The following CPA6 variants were observed in gnomAD, a reference collection of about 807,000 sequenced individuals.
The protein encoded by CPA6 is carboxypeptidase B.
Under a neutral mutation model 63.3 loss-of-function variants are expected in CPA6, and 58 were observed. The ratio of observed to expected loss-of-function variants is 0.92; its 90% CI spans 0.74 to 1.14. The LOEUF (loss-of-function observed/expected upper bound fraction) is 1.14. Among genes scored for constraint, CPA6 ranks in the 50% most tolerant of loss-of-function variants. The probability of loss-of-function intolerance (pLI) is 0.00; values close to 1 mark genes in which losing one functional copy is unlikely to be tolerated. For missense variants in CPA6, 565 were observed against 526.6 expected (o/e 1.07, Z -0.71); for synonymous variants, 185 against 179.0 (o/e 1.03, Z -0.27).
chr8:67,526,151 G>A lies in CPA6; in HGVS notation c.193-8104C>T, dbSNP rs1179824235. On this transcript the variant is annotated intron_variant, in intron 2 of 10. Coordinates refer to ENST00000297770, the MANE Select transcript of CPA6 (RefSeq NM_020361.5). ...TATTATGGAATTTGGATTTGCTTTA[G>A]GACATTTGTGGAGGGTTTAAGGAAC... is the stretch of plus-strand genomic sequence containing the variant. 2.6e-5 allele frequency among the ~76,000 whole-genome samples: 4 copies of A among 152,302 alleles called. No individual in the cohort carries two copies. The East Asian group carries it at 7.7e-4, about 29-fold the overall frequency.
chr8:67,492,975 G>C (rs1811638619), intron 6 of CPA6, among the ~76,000 whole-genome samples: 1 of 152,134 alleles, frequency 6.6e-6, no homozygotes, highest in Admixed American at 6.6e-5. Context: ...CGGTACTGAA[G>C]GCCAGGAAAA....
At chr8:67,548,384 T>C (rs1458028988) in intron 2 of CPA6, among the ~76,000 whole-genome samples, 2 of 151,770 alleles carry the variant, frequency 1.3e-5, no homozygotes, top group Non-Finnish European at 2.9e-5. Context: ...CCTGAGCAGC[T>C]GGGACTACAG....
At chr8:67,608,216 G>A (rs955813762) in intron 2 of CPA6, among the ~76,000 whole-genome samples, 10 of 152,190 alleles carry the variant, frequency 6.6e-5, no homozygotes, top group Admixed American at 3.9e-4. Flanking sequence ...CTGGACCCAC[G>A]GCCCTAAATG....
At chr8:67,730,419 G>A (rs1817684311) in intron 1 of CPA6, among the ~76,000 whole-genome samples, 2 of 152,288 alleles carry the variant, frequency 1.3e-5, no homozygotes, top group Admixed American at 6.5e-5. Flanking sequence ...ACTTCCATAT[G>A]TTCAGCAACC....
chr8:67,574,119 T>G (rs934245658), intron 2 of CPA6, among the ~76,000 whole-genome samples: 5 of 151,898 alleles, frequency 3.3e-5, no homozygotes, highest in Non-Finnish European at 7.4e-5. Context: ...GGTTCATGAC[T>G]GTGATCTCAG....
chr8:67,597,265 C>T, intron 2 of CPA6, among the ~76,000 whole-genome samples: 1 of 143,974 alleles, frequency 6.9e-6, no homozygotes, highest in South Asian at 2.2e-4. Context: ...GTGGCGTGAT[C>T]TCAGCTCCCT....
rs1277153673 is a variant in CPA6, at chr8:67,644,164, G to T, written c.117-19913C>A. 2.0e-5 allele frequency among the ~76,000 whole-genome samples: 3 copies of T among 151,748 alleles called. No homozygotes were observed. In the East Asian group the frequency reaches 5.8e-4, roughly 29 times the overall value. On this transcript the variant is annotated intron_variant, in intron 1 of 10. Coordinates refer to ENST00000297770, the MANE Select transcript of CPA6 (RefSeq NM_020361.5). ...GACAGAGTCTCGCTCTGTCGCCCAGGCTGGAGTGCAGTGGCGCCATTTCGG... is the reference window on the plus strand; with the variant it reads ...GACAGAGTCTCGCTCTGTCGCCCAGTCTGGAGTGCAGTGGCGCCATTTCGG...
chr8:67,572,819 A>G (rs940070671), intron 2 of CPA6, among the ~76,000 whole-genome samples: 2 of 152,196 alleles, frequency 1.3e-5, no homozygotes, highest in African/African-American at 4.8e-5. Context: ...AGGCCGGACA[A>G]AAATATCACA....
intron 1 of CPA6, among the ~76,000 whole-genome samples, chr8:67,645,059 C>T (rs578107201): frequency 6.6e-6 from 1 of 152,248 alleles, no homozygotes; most frequent in African/African-American, 2.4e-5. Context: ...CTATATATTA[C>T]TGTAGTGCCT....
At chr8:67,571,303 A>G (rs769608575) in intron 2 of CPA6, among the ~76,000 whole-genome samples, 1 of 152,194 alleles carries the variant, frequency 6.6e-6, no homozygotes, top group Non-Finnish European at 1.5e-5. Context: ...ATGTAGACAG[A>G]AAGTTATTGA....
chr8:67,639,159 A>C (rs1304147617), intron 1 of CPA6, among the ~76,000 whole-genome samples: 3 of 151,600 alleles, frequency 2.0e-5, no homozygotes, highest in Non-Finnish European at 4.4e-5. Context: ...TTTTCTGTAA[A>C]GAGCCCCGTG....
chr8:67,577,915 A>G (rs548023707), intron 2 of CPA6, among the ~76,000 whole-genome samples: 17 of 152,156 alleles, frequency 1.1e-4, no homozygotes, highest in Non-Finnish European at 2.2e-4. Context: ...CAGTACATCA[A>G]CTCACCTGAG....
At chr8:67,744,173 C>T (rs137879659) in intron 1 of CPA6, among the ~76,000 whole-genome samples, 2 of 152,250 alleles carry the variant, frequency 1.3e-5, no homozygotes, top group East Asian at 3.9e-4. Context: ...AGTGAATATG[C>T]TCAGAAATAT....
intron 1 of CPA6, among the ~76,000 whole-genome samples, chr8:67,638,292 T>G (rs954936057): frequency 6.6e-6 from 1 of 151,370 alleles, no homozygotes; most frequent in Non-Finnish European, 1.5e-5. Flanking sequence ...AAAACTTGTT[T>G]GTCTTGAACT....
At chr8:67,680,270 A>G (rs1354987018) in intron 1 of CPA6, among the ~76,000 whole-genome samples, 1 of 152,146 alleles carries the variant, frequency 6.6e-6, no homozygotes, top group Non-Finnish European at 1.5e-5. Flanking sequence ...GGGAGGCTGA[A>G]GTGCGTGGAT....
At chr8:67,616,778 A>C (rs1055648513) in intron 2 of CPA6, among the ~76,000 whole-genome samples, 9 of 152,272 alleles carry the variant, frequency 5.9e-5, no homozygotes, top group Middle Eastern at 3.4e-3. Flanking sequence ...TCTCACTCTT[A>C]GAACCCTGTG....
intron 2 of CPA6, among the ~76,000 whole-genome samples, chr8:67,575,931 C>A (rs1813614109): frequency 2.0e-5 from 3 of 150,502 alleles, no homozygotes; most frequent in African/African-American, 7.3e-5. Context: ...CACAGAAAAA[C>A]AAATAACACA....
chr8:67,528,542 T>C (rs1319017339), intron 2 of CPA6, among the ~76,000 whole-genome samples: 4 of 152,168 alleles, frequency 2.6e-5, no homozygotes, highest in African/African-American at 9.7e-5. Flanking sequence ...CTTGTTTTCC[T>C]ATGACCAGTC....
At chr8:67,433,922 T>C (rs1810084221) in intron 9 of CPA6, 116 bp downstream of exon 9, 1 of 724,732 alleles carries the variant, frequency 1.4e-6, no homozygotes, top group Admixed American at 2.3e-5. Context: ...ACATGTAAAA[T>C]ATTTATTAGG....
Sources: allele counts gnomAD v4.1 joint callset (sites outside exome capture counted in the v4.1 genomes callset), GRCh38; gene constraint gnomAD v4.1.1; transcripts MANE v1.5; gene names NCBI Gene and HGNC (gene_info 2026-07-23, HGNC 2026-07-21).